SLAIN2: variants seen among roughly 807,000 people sequenced by gnomAD.
The protein encoded by SLAIN2 is SLAIN motif-containing protein 2.
In SLAIN2, 31 loss-of-function variants were observed where a neutral mutation model predicts 56.6. The ratio of observed to expected loss-of-function variants is 0.55; its 90% CI spans 0.41 to 0.74. The LOEUF is 0.74. SLAIN2 is among the 30% of genes least tolerant of loss of function. The pLI is 0.00. For missense variants in SLAIN2, 777 were observed against 754.2 expected (o/e 1.03, Z -0.35); for synonymous variants, 317 against 284.9 (o/e 1.11, Z -1.13).
intron 6 of SLAIN2, chr4:48,394,486 A>G (rs1348784002): frequency 1.0e-6 from 1 of 959,598 alleles, no homozygotes; most frequent in Non-Finnish European, 1.5e-6. Context: ...ATACATTTTT[A>G]AGTTTGTATT....
chr4:48,386,496 A>G (rs959353425), intron 6 of SLAIN2, among the ~76,000 whole-genome samples: 18 of 152,310 alleles, frequency 1.2e-4, no homozygotes, highest in African/African-American at 4.3e-4. Context: ...TATAATTTCC[A>G]TTTTTCCTAA....
chr4:48,377,747 A>T, intron 2 of SLAIN2, 149 bp from the exon 3 acceptor site: 1 of 749,606 alleles, frequency 1.3e-6, no homozygotes, highest in Non-Finnish European at 2.1e-6. Flanking sequence ...ATTTGTTGGG[A>T]TTATTATATT....
At chr4:48,382,270 A>G (rs1715989741) in intron 4 of SLAIN2, among the ~76,000 whole-genome samples, 1 of 152,182 alleles carries the variant, frequency 6.6e-6, no homozygotes, top group African/African-American at 2.4e-5. Context: ...CTTTAGGGGT[A>G]GAAATATTTT....
chr4:48,358,964 GC>G (rs1715244423), intron 1 of SLAIN2, among the ~76,000 whole-genome samples: 1 of 151,882 alleles, frequency 6.6e-6, no homozygotes, highest in Non-Finnish European at 1.5e-5. Flanking sequence ...CGGGTGATCC[GC>G]CTGCCTCAGC....
intron 7 of SLAIN2, among the ~76,000 whole-genome samples, chr4:48,420,743 T>A (rs1717124686): frequency 6.6e-6 from 1 of 152,238 alleles, no homozygotes; most frequent in Admixed American, 6.5e-5. Context: ...ATTCATTCAT[T>A]TCGAATATAA....
chr4:48,356,507 A>T (rs934999983), intron 1 of SLAIN2, among the ~76,000 whole-genome samples: 1 of 152,214 alleles, frequency 6.6e-6, no homozygotes, highest in East Asian at 1.9e-4. Context: ...GATACGTGCT[A>T]GTATACATAA....
chr4:48,390,331 G>A (rs1466907513), intron 6 of SLAIN2, among the ~76,000 whole-genome samples: 5 of 151,674 alleles, frequency 3.3e-5, no homozygotes, highest in African/African-American at 9.7e-5. Flanking sequence ...CTCCCGCCTC[G>A]GCCTCCCAAA....
chr4:48,361,735 G>GAT (rs1715332668), intron 1 of SLAIN2, among the ~76,000 whole-genome samples: 1 of 152,136 alleles, frequency 6.6e-6, no homozygotes, highest in Admixed American at 6.5e-5. Flanking sequence ...GTTTTCTAGG[G>GAT]ATATGTTGAT....
chr4:48,368,745 A>G (rs2109751908), intron 1 of SLAIN2, among the ~76,000 whole-genome samples: 1 of 152,276 alleles, frequency 6.6e-6, no homozygotes, highest in South Asian at 2.1e-4. Context: ...TTTTGTCCAA[A>G]TGAATTTGGA....
chr4:48,360,227 C>T (rs1161006985), intron 1 of SLAIN2, among the ~76,000 whole-genome samples: 1 of 151,684 alleles, frequency 6.6e-6, no homozygotes, highest in African/African-American at 2.4e-5. Context: ...TTTGAAAGGC[C>T]AGTTTATTCC....
chr4:48,393,216 T>C (rs1716279804), intron 6 of SLAIN2, among the ~76,000 whole-genome samples: 1 of 151,890 alleles, frequency 6.6e-6, no homozygotes, highest in Non-Finnish European at 1.5e-5. Context: ...CTACTAAAAA[T>C]ACAAAAATTA....
At chr4:48,367,458 G>T (rs746684517) in intron 1 of SLAIN2, among the ~76,000 whole-genome samples, 3 of 152,194 alleles carry the variant, frequency 2.0e-5, no homozygotes, top group Non-Finnish European at 4.4e-5. Flanking sequence ...AAGGGAGCAA[G>T]TACAGGAATG....
intron 6 of SLAIN2, among the ~76,000 whole-genome samples, chr4:48,404,391 A>T (rs1201531109): frequency 1.3e-5 from 2 of 149,814 alleles, no homozygotes; most frequent in Non-Finnish European, 1.5e-5. Context: ...TTGAATCTGT[A>T]TCAGAAACAA....
chr4:48,397,747 C>T (rs1383142572), intron 6 of SLAIN2, among the ~76,000 whole-genome samples: 2 of 152,156 alleles, frequency 1.3e-5, no homozygotes, highest in African/African-American at 4.8e-5. Flanking sequence ...CTTGTGAGAA[C>T]ATGGGGTGTT....
At chr4:48,404,780 A>G (rs1220769382) in intron 6 of SLAIN2, among the ~76,000 whole-genome samples, 1 of 152,214 alleles carries the variant, frequency 6.6e-6, no homozygotes, top group African/African-American at 2.4e-5. Flanking sequence ...TTGCTGAGAA[A>G]GTCCTAGGTC....
Position 48,341,674 on chromosome 4 carries a change from C to CCGTCTCTTTCCCT in SLAIN2, c.-65_-53dup, listed in dbSNP as rs1714702324. On this transcript the variant is annotated 5_prime_UTR_variant, in exon 1 of 8. Transcript: ENST00000264313. ...TGAGCGGCGGCGACGCCTCTTTCCT[C>CCGTCTCTTTCCCT]CGTCTCTTTCCCTGTCGCTGCGAGA... 6.7e-7 allele frequency: 1 copy of CCGTCTCTTTCCCT among 1,499,162 alleles called. No individual in the cohort carries two copies. Among genetic ancestry groups the CCGTCTCTTTCCCT allele is most frequent in the Admixed American group, 2.2e-5 (1 of 45,516 alleles). 92.9% of individuals were successfully genotyped at this position (1,499,162 alleles called of 1,614,324 possible).
intron 1 of SLAIN2, among the ~76,000 whole-genome samples, chr4:48,355,412 C>T (rs1439999031): frequency 6.6e-6 from 1 of 152,166 alleles, no homozygotes; most frequent in Non-Finnish European, 1.5e-5. Flanking sequence ...GAATCACAAA[C>T]TCTAACAATG....
At chr4:48,365,720 C>A (rs1385357131) in intron 1 of SLAIN2, among the ~76,000 whole-genome samples, 1 of 152,004 alleles carries the variant, frequency 6.6e-6, no homozygotes, top group Non-Finnish European at 1.5e-5. Context: ...TGCCACCACA[C>A]TCCGCTAATT....
intron 1 of SLAIN2, among the ~76,000 whole-genome samples, chr4:48,357,549 C>G (rs532865612): frequency 6.6e-6 from 1 of 150,988 alleles, no homozygotes; most frequent in African/African-American, 2.4e-5. Context: ...GCTCAGGTGA[C>G]TTTTATTTTT....
Sources: allele counts gnomAD v4.1 joint callset (sites outside exome capture counted in the v4.1 genomes callset), GRCh38; gene constraint gnomAD v4.1.1; transcripts MANE v1.5; gene names NCBI Gene and HGNC (gene_info 2026-07-23, HGNC 2026-07-21).